Variants in CEP85L observed in about 807,000 individuals in gnomAD.
CEP85L encodes centrosomal protein 85L, also known as centrosomal protein of 85 kDa-like.
A neutral mutation model predicts 100.3 loss-of-function variants in CEP85L; 60 were observed. The ratio of observed to expected loss-of-function variants is 0.60; its 90% CI spans 0.49 to 0.74. The LOEUF (loss-of-function observed/expected upper bound fraction) is 0.74, where lower values mean the gene tolerates loss of function less well. Ranked by LOEUF, CEP85L falls within the 30% of genes least tolerant of loss-of-function variation. The pLI is 0.00. For missense variants in CEP85L, 973 were observed against 936.2 expected (o/e 1.04, Z -0.51); for synonymous variants, 319 against 322.7 (o/e 0.99, Z 0.12).
At chr6:118,613,461 T>C (rs1203836547) in intron 2 of CEP85L, among the ~76,000 whole-genome samples, 1 of 151,960 alleles carries the variant, frequency 6.6e-6, no homozygotes, top group African/African-American at 2.4e-5. Context: ...AAATTAAAAA[T>C]CTCTGGGCCC....
intron 3 of CEP85L, among the ~76,000 whole-genome samples, chr6:118,557,487 T>G (rs1293600026): frequency 6.6e-6 from 1 of 152,178 alleles, no homozygotes. Flanking sequence ...TTGCATATTC[T>G]CCCCACATCT....
Position 118,461,901 on chromosome 6 carries a change from G to C in CEP85L, c.*3504C>G, listed in dbSNP as rs1369318958. 2.0e-5 allele frequency: 3 copies of C among 151,898 alleles called. No individual in the cohort carries two copies. The highest frequency in any genetic ancestry group is 7.2e-5 in the African/African-American group (3 of 41,384). 9.4% of individuals were successfully genotyped at this position (151,898 alleles called of 1,614,324 possible). A position where few individuals can be genotyped will look rare whatever the true frequency, so the allele number is the denominator to read the frequency against. On this transcript the variant is annotated 3_prime_UTR_variant, in exon 13 of 13. Transcript: ENST00000368491. The stretch of plus-strand genomic sequence containing the variant: ...GAGAATGCCAATAATCCAAACTAAA[G>C]GTGTGCCTAAGCTGAACTATGCTGT...
chr6:118,570,327 A>C (rs1195681038), intron 2 of CEP85L, among the ~76,000 whole-genome samples: 3 of 152,208 alleles, frequency 2.0e-5, no homozygotes, highest in Admixed American at 6.5e-5. Flanking sequence ...ATACTTCTAA[A>C]GTATGAATAA....
intron 2 of CEP85L, among the ~76,000 whole-genome samples, chr6:118,570,490 A>G (rs1292674506): frequency 1.3e-5 from 2 of 152,300 alleles, no homozygotes; most frequent in East Asian, 3.9e-4. Context: ...ATGAGTGAAA[A>G]ATCAATTTCA....
intron 2 of CEP85L, among the ~76,000 whole-genome samples, chr6:118,569,783 CA>C (rs1000939082): frequency 5.8e-4 from 84 of 144,462 alleles, no homozygotes; most frequent in East Asian, 2.0e-3. Context: ...AACAAATCAA[CA>C]AAAAAAAAAC....
At chr6:118,546,847 C>T (rs1352126689) in intron 3 of CEP85L, among the ~76,000 whole-genome samples, 1 of 152,134 alleles carries the variant, frequency 6.6e-6, no homozygotes, top group Non-Finnish European at 1.5e-5. Flanking sequence ...CATTATTCTG[C>T]AATTTCCTTA....
Position 118,569,890 on chromosome 6 carries a change from C to T in CEP85L, c.233-3574G>A, listed in dbSNP as rs181770787. Among the ~76,000 whole-genome samples, 347 of 151,992 alleles carry T rather than the reference C, an allele frequency of 2.3e-3. 1 individual carries two copies. Among genetic ancestry groups the T allele is most frequent in the Middle Eastern group, 6.8e-3 (2 of 294 alleles). ...TATATATTTTTTAAAAATCCTCAAACGCACTAATAGTAAAGATACATTCTC... is the reference window on the plus strand; with the variant it reads ...TATATATTTTTTAAAAATCCTCAAATGCACTAATAGTAAAGATACATTCTC... On this transcript the variant is annotated intron_variant, in intron 2 of 12. Transcript: ENST00000368491.
At chr6:118,641,907 C>T (rs1265311717) in intron 1 of CEP85L, among the ~76,000 whole-genome samples, 2 of 151,894 alleles carry the variant, frequency 1.3e-5, no homozygotes, top group African/African-American at 4.8e-5. Context: ...ACCATTGATC[C>T]CCATAAGGGT....
chr6:118,570,069 T>C (rs997020055), intron 2 of CEP85L, among the ~76,000 whole-genome samples: 6 of 152,186 alleles, frequency 3.9e-5, no homozygotes, highest in African/African-American at 1.4e-4. Context: ...GATATGTAGA[T>C]GCGTGCATAT....
intron 3 of CEP85L, among the ~76,000 whole-genome samples, chr6:118,549,226 T>A (rs1476510239): frequency 2.0e-5 from 3 of 152,066 alleles, no homozygotes; most frequent in Middle Eastern, 6.8e-3. Flanking sequence ...TTAATGCCTA[T>A]AGTTTTGTCA....
chr6:118,549,591 A>G (rs779324640), intron 3 of CEP85L, among the ~76,000 whole-genome samples: 12 of 151,802 alleles, frequency 7.9e-5, no homozygotes, highest in Non-Finnish European at 1.3e-4. Flanking sequence ...TTTCCTTAAG[A>G]CATAAAAAAA....
At chr6:118,501,557 G>A (rs1375141641) in intron 5 of CEP85L, 11 of 517,690 alleles carry the variant, frequency 2.1e-5, no homozygotes, top group Non-Finnish European at 3.7e-5. Context: ...CATGAAAGAA[G>A]AGATCAAGAA....
chr6:118,570,909 T>TATGCACACACACACAC (rs1440549912), intron 2 of CEP85L, among the ~76,000 whole-genome samples: 14 of 151,840 alleles, frequency 9.2e-5, no homozygotes, highest in African/African-American at 3.4e-4. Context: ...CTGACATACA[T>TATGCACACACACACAC]ATGCACACAC....
At chr6:118,579,531 G>A (rs1780446110) in intron 2 of CEP85L, among the ~76,000 whole-genome samples, 1 of 152,158 alleles carries the variant, frequency 6.6e-6, no homozygotes, top group Non-Finnish European at 1.5e-5. Flanking sequence ...AGAGCTGTAA[G>A]TGTTACTTCT....
At chr6:118,524,066 C>A in intron 3 of CEP85L, 146 bp from the exon 4 acceptor site, 1 of 399,618 alleles carries the variant, frequency 2.5e-6, no homozygotes, top group Non-Finnish European at 4.3e-6. Flanking sequence ...ACTATGAATA[C>A]AACATAACTT....
intron 5 of CEP85L, among the ~76,000 whole-genome samples, chr6:118,507,462 A>G (rs1775723694): frequency 6.6e-6 from 1 of 152,164 alleles, no homozygotes; most frequent in African/African-American, 2.4e-5. Context: ...GAGTAACCAA[A>G]CTAGGATACT....
intron 7 of CEP85L, 63 bp from the exon 8 acceptor site, chr6:118,481,996 T>A: frequency 1.0e-6 from 1 of 966,272 alleles, no homozygotes; most frequent in Non-Finnish European, 1.4e-6. Flanking sequence ...TATTAGAAAC[T>A]GTTACTGTGT....
intron 6 of CEP85L, among the ~76,000 whole-genome samples, chr6:118,490,826 T>C (rs1774505866): frequency 1.3e-5 from 2 of 152,120 alleles, no homozygotes; most frequent in African/African-American, 4.8e-5. Flanking sequence ...AAAGAATATA[T>C]ACCATGTAAT....
intron 3 of CEP85L, among the ~76,000 whole-genome samples, chr6:118,558,568 G>A (rs561225550): frequency 6.7e-6 from 1 of 149,056 alleles, no homozygotes; most frequent in Non-Finnish European, 1.5e-5. Flanking sequence ...AGACGGTCAT[G>A]GTGTGCCCCA....
Sources: allele counts gnomAD v4.1 joint callset (sites outside exome capture counted in the v4.1 genomes callset), GRCh38; gene constraint gnomAD v4.1.1; transcripts MANE v1.5; gene names NCBI Gene and HGNC (gene_info 2026-07-23, HGNC 2026-07-21).